The following RBMS3 variants were observed in gnomAD, a reference collection of about 807,000 sequenced individuals.
RBMS3 encodes RNA-binding motif, single-stranded-interacting protein 3.
A neutral mutation model predicts 66.8 loss-of-function variants in RBMS3; 27 were observed. The observed-to-expected ratio is 0.40, with a 90% CI of 0.30 to 0.56. The LOEUF (loss-of-function observed/expected upper bound fraction) is 0.56. RBMS3 is among the 20% of genes least tolerant of loss of function. The pLI is 0.40. For synonymous variants in RBMS3, 188 were observed against 183.0 expected, an observed-to-expected ratio of 1.03 and a Z score of -0.22; for missense variants, 513 against 549.5, an observed-to-expected ratio of 0.93 and a Z score of 0.66.
rs148084711 is a variant in RBMS3 at position 29,491,243 on chromosome 3, A to G, written c.307+2744A>G. Among the ~76,000 whole-genome samples the G allele has an allele frequency of 9.9e-5, 15 of 152,282 alleles. No individual in the cohort carries two copies. The East Asian group carries it at 2.9e-3, about 29-fold the overall frequency. On this transcript the variant is annotated intron_variant, in intron 3 of 14. Transcript: ENST00000383767. ...TATCCTTATCCTTACATCAGCTCCTAAAATCCCTATCCACGCTATTTTGCA... is the reference window on the plus strand; with the variant it reads ...TATCCTTATCCTTACATCAGCTCCTGAAATCCCTATCCACGCTATTTTGCA...
At chr3:29,940,250 C>G (rs771824370) in intron 11 of RBMS3, among the ~76,000 whole-genome samples, 14 of 151,856 alleles carry the variant, frequency 9.2e-5, no homozygotes, top group Non-Finnish European at 1.9e-4. Flanking sequence ...CATTCTCTAC[C>G]CTGTTGTCAC....
chr3:29,928,795 CTCTCTTCTCTCATAACATATT>C (rs2061025199), intron 10 of RBMS3, among the ~76,000 whole-genome samples: 5 of 122,848 alleles, frequency 4.1e-5, no homozygotes, highest in Non-Finnish European at 8.9e-5. Context: ...TCACTTGCTC[CTCTCTTCTCTCATAACATATT>C]TGAACCAGGC....
At chr3:29,886,106 T>C (rs1193159384) in intron 8 of RBMS3, among the ~76,000 whole-genome samples, 2 of 151,786 alleles carry the variant, frequency 1.3e-5, no homozygotes, top group Admixed American at 1.3e-4. Flanking sequence ...TCTTCGAAAA[T>C]AAAGACATTA....
intron 1 of RBMS3, among the ~76,000 whole-genome samples, chr3:29,288,795 C>G (rs10510620): frequency 0.18 from 27,860 of 151,856 alleles, 2,989 homozygotes; most frequent in South Asian, 0.33. Context: ...CTCTGAATCT[C>G]AGAATAGTAG....
At chr3:29,662,921 G>C (rs58275673) in intron 4 of RBMS3, among the ~76,000 whole-genome samples, 5,372 of 152,218 alleles carry the variant, frequency 0.035, 206 homozygotes, top group African/African-American at 0.09. Flanking sequence ...ATACATCTAA[G>C]ACAGTTTTAA....
chr3:29,503,939 A>T lies in RBMS3; in HGVS notation c.307+15440A>T, dbSNP rs186317585. On this transcript the variant is annotated intron_variant, in intron 3 of 14. Transcript: ENST00000383767. ...GGGGAAAAAATGTAAAGGCTTTCTC[A>T]TCTGGATTTAACTCGAGTTAAAGCA... Among the ~76,000 whole-genome samples, 550 of 152,220 alleles carry T rather than the reference A, an allele frequency of 3.6e-3. 3 individuals are homozygous for T. The highest frequency in any genetic ancestry group is 5.8e-3 in the Non-Finnish European group (397 of 67,994).
intron 4 of RBMS3, among the ~76,000 whole-genome samples, chr3:29,658,655 G>T (rs963789841): frequency 6.6e-6 from 1 of 152,172 alleles, no homozygotes; most frequent in Non-Finnish European, 1.5e-5. Flanking sequence ...AGGAACAAAA[G>T]AAGTTATCCA....
At chr3:29,696,402 TA>T (rs2052278268) in intron 4 of RBMS3, among the ~76,000 whole-genome samples, 1 of 151,130 alleles carries the variant, frequency 6.6e-6, no homozygotes, top group African/African-American at 2.5e-5. Flanking sequence ...GCAAGCTAAT[TA>T]AAAACGATCA....
At chr3:29,906,889 CA>C (rs1462549852) in intron 10 of RBMS3, among the ~76,000 whole-genome samples, 2 of 152,114 alleles carry the variant, frequency 1.3e-5, no homozygotes, top group East Asian at 3.9e-4. Context: ...TACCATTTAC[CA>C]AAATGATATC....
chr3:29,986,030 C>T (rs1196212814), intron 12 of RBMS3, among the ~76,000 whole-genome samples: 2 of 152,114 alleles, frequency 1.3e-5, no homozygotes, highest in South Asian at 2.1e-4. Flanking sequence ...GTGACATCCT[C>T]TTATGCAAAG....
At chr3:29,560,956 A>G (rs1278910337) in intron 3 of RBMS3, among the ~76,000 whole-genome samples, 1 of 152,128 alleles carries the variant, frequency 6.6e-6, no homozygotes. Context: ...CGTTCTCATC[A>G]TTTAGCTCCA....
intron 2 of RBMS3, among the ~76,000 whole-genome samples, chr3:29,484,950 A>G (rs1164762667): frequency 6.6e-6 from 1 of 152,212 alleles, no homozygotes; most frequent in Non-Finnish European, 1.5e-5. Flanking sequence ...CTCTATTTTC[A>G]GTCTCTGCCT....
chr3:29,822,994 A>G (rs1430650877), intron 6 of RBMS3, among the ~76,000 whole-genome samples: 1 of 152,174 alleles, frequency 6.6e-6, no homozygotes, highest in South Asian at 2.1e-4. Context: ...TGCTTAGTTC[A>G]GGAAAGTAAA....
chr3:29,639,842 A>G (rs2049629087), intron 4 of RBMS3, among the ~76,000 whole-genome samples: 1 of 151,954 alleles, frequency 6.6e-6, no homozygotes, highest in Non-Finnish European at 1.5e-5. Flanking sequence ...TTTAAAGGGA[A>G]AAGAAGAGAC....
At chr3:29,844,576 A>G (rs1038611975) in intron 6 of RBMS3, among the ~76,000 whole-genome samples, 3 of 152,208 alleles carry the variant, frequency 2.0e-5, no homozygotes, top group Non-Finnish European at 4.4e-5. Flanking sequence ...GCCACTGAAT[A>G]ATGTAAATGT....
rs1312641029 is a variant in RBMS3 at position 29,281,595 on chromosome 3, A to G, written c.-87A>G. ...AGCCTCATCAGTCACCGGGACTGTC[A>G]GGAATAGTGGTTTAAGAGGAAGCTC... On this transcript the variant is annotated 5_prime_UTR_variant, in exon 1 of 15. Transcript: ENST00000383767. The G allele has an allele frequency of 1.1e-5, 12 of 1,049,338 alleles. No homozygotes were observed. The South Asian group carries it at 1.4e-4, about 12-fold the overall frequency. 65.0% of individuals were successfully genotyped at this position (1,049,338 alleles called of 1,614,324 possible).
intron 2 of RBMS3, among the ~76,000 whole-genome samples, chr3:29,440,743 T>C (rs2041588870): frequency 6.6e-6 from 1 of 152,218 alleles, no homozygotes; most frequent in South Asian, 2.1e-4. Context: ...TGTCTCATTA[T>C]AGTGCGTGCT....
chr3:29,373,359 C>G (rs780746220), intron 1 of RBMS3, among the ~76,000 whole-genome samples: 2 of 152,188 alleles, frequency 1.3e-5, no homozygotes, highest in Non-Finnish European at 2.9e-5. Context: ...ATTTTGGCTT[C>G]CCAATAATAC....
chr3:29,773,422 A>G (rs2149398516), intron 6 of RBMS3, among the ~76,000 whole-genome samples: 1 of 152,184 alleles, frequency 6.6e-6, no homozygotes, highest in Admixed American at 6.6e-5. Flanking sequence ...CACATTCCAT[A>G]TTATTCCTAT....
Sources: gnomAD v4.1 joint callset for allele counts (sites outside exome capture counted in the v4.1 genomes callset) on GRCh38, gnomAD v4.1.1 for gene constraint, MANE v1.5 for transcripts, NCBI Gene and HGNC (gene_info 2026-07-23, HGNC 2026-07-21) for gene names.